The following ZNF33B variants were observed in gnomAD, a reference collection of about 807,000 sequenced individuals.
The protein encoded by ZNF33B is zinc finger protein 33B.
A neutral mutation model predicts 45.8 loss-of-function variants in ZNF33B; 29 were observed. That is an observed-to-expected ratio of 0.63 (90% CI 0.47 to 0.86). The LOEUF is 0.86. Among genes scored for constraint, ZNF33B ranks in the 40% least tolerant of loss-of-function variants. ZNF33B has a pLI of 0.00. For missense variants in ZNF33B, 831 were observed against 909.9 expected (o/e 0.91, Z 1.12); for synonymous variants, 305 against 307.8 (o/e 0.99, Z 0.10).
intron 4 of ZNF33B, among the ~76,000 whole-genome samples, chr10:42,624,329 T>C (rs1838710570): frequency 6.6e-6 from 1 of 152,152 alleles, no homozygotes; most frequent in Non-Finnish European, 1.5e-5. Flanking sequence ...AATGTTGAAG[T>C]TTTCTATTCT....
At chr10:42,620,699 AGATT>A (rs1346108883) in intron 4 of ZNF33B, among the ~76,000 whole-genome samples, 1 of 152,040 alleles carries the variant, frequency 6.6e-6, no homozygotes, top group Non-Finnish European at 1.5e-5. Flanking sequence ...GCTTCAGAAT[AGATT>A]TTTTTAAAAT....
intron 1 of ZNF33B, among the ~76,000 whole-genome samples, chr10:42,575,900 T>C (rs1836742803): frequency 6.6e-6 from 1 of 151,008 alleles, no homozygotes; most frequent in Non-Finnish European, 1.5e-5. Flanking sequence ...TGGCTAATTT[T>C]TTTTTTTTTG....
At chr10:42,636,526 A>G (rs1474002635) in intron 2 of ZNF33B, among the ~76,000 whole-genome samples, 2 of 152,102 alleles carry the variant, frequency 1.3e-5, no homozygotes, top group African/African-American at 4.8e-5. Context: ...TCTCATCTTA[A>G]CATATTGACT....
intron 1 of ZNF33B, among the ~76,000 whole-genome samples, chr10:42,583,873 A>C (rs1836874298): frequency 6.6e-6 from 1 of 152,136 alleles, no homozygotes; most frequent in Admixed American, 6.5e-5. Context: ...CCTTTCTCTT[A>C]GATGTGGGCT....
Position 42,593,753 on chromosome 10 carries a change from G to C in ZNF33B, c.1197C>G (p.Ala399=). 1.2e-6 allele frequency: 2 copies of C among 1,613,648 alleles called. No homozygotes were observed. Among genetic ancestry groups the C allele is most frequent in the Non-Finnish European group, 1.7e-6 (2 of 1,179,850 alleles). The change falls in exon 5 of 5, where the codon GCC becomes GCG. Residue 399 remains alanine (A), a synonymous_variant. Coordinates refer to ENST00000359467, the MANE Select transcript of ZNF33B (RefSeq NM_006955.3). ...TATGTGTTCTCTGGTGTAATGTGAG[G>C]GCTGACTTATGGCTAAAGGCTTTCC... ...ECGKAFSHKS[A]LTLHQRTHTG...
chr10:42,621,806 C>G (rs1334381139), intron 4 of ZNF33B, among the ~76,000 whole-genome samples: 1 of 145,354 alleles, frequency 6.9e-6, no homozygotes, highest in Admixed American at 8.0e-5. Flanking sequence ...CAAAAATACC[C>G]ACTTTTGCCA....
intron 4 of ZNF33B, among the ~76,000 whole-genome samples, chr10:42,606,048 C>T (rs765580486): frequency 1.5e-4 from 23 of 151,262 alleles, no homozygotes; most frequent in African/African-American, 2.2e-4. Context: ...CAATGAGCTG[C>T]GATTCTACCA....
chr10:42,611,852 GTTC>G (rs1452977087), intron 4 of ZNF33B, among the ~76,000 whole-genome samples: 3 of 152,192 alleles, frequency 2.0e-5, no homozygotes, highest in African/African-American at 7.2e-5. Flanking sequence ...AGTTTTGGGA[GTTC>G]TTTAGAATTT....
intron 4 of ZNF33B, among the ~76,000 whole-genome samples, chr10:42,610,241 TA>T (rs1838044293): frequency 3.3e-5 from 5 of 152,182 alleles, no homozygotes; most frequent in African/African-American, 1.2e-4. Flanking sequence ...AATGAAATTT[TA>T]AAAAGAATTC....
intron 4 of ZNF33B, among the ~76,000 whole-genome samples, chr10:42,623,159 C>T (rs1222364992): frequency 6.6e-6 from 1 of 152,120 alleles, no homozygotes; most frequent in Non-Finnish European, 1.5e-5. Flanking sequence ...CCCAGCTACT[C>T]GGGAAGCTGA....
intron 1 of ZNF33B, among the ~76,000 whole-genome samples, chr10:42,580,542 CTAAG>C (rs1836808917): frequency 6.6e-6 from 1 of 151,818 alleles, no homozygotes; most frequent in Non-Finnish European, 1.5e-5. Context: ...CTCGCCTCTA[CTAAG>C]TGTTTTTATG....
intron 4 of ZNF33B, 66 bp from the exon 5 acceptor site, chr10:42,594,765 T>G: frequency 2.0e-6 from 3 of 1,486,546 alleles, no homozygotes; most frequent in Non-Finnish European, 2.7e-6. Context: ...ATGAAATCTC[T>G]ACACAAATGC....
At chr10:42,632,921 G>C (rs1435942899) in intron 2 of ZNF33B, 1 of 162,208 alleles carries the variant, frequency 6.2e-6, no homozygotes, top group Admixed American at 6.5e-5. Context: ...ATCAACAAAA[G>C]GGCAGACAGC....
Position 42,593,967 on chromosome 10 carries a change from T to G in ZNF33B, c.983A>C (p.His328Pro). The change falls in exon 5 of 5, where the codon CAC becomes CCC. Residue 328 changes from histidine to proline, a missense_variant. By Grantham distance (77) the His-to-Pro change is moderately conservative. Coordinates refer to ENST00000359467, the MANE Select transcript of ZNF33B (RefSeq NM_006955.3). Reference protein sequence around the residue: ...QLQKGDKGEKHFECNECGKAF... With the variant: ...QLQKGDKGEKPFECNECGKAF... ...TTTCCCACATTCATTACATTCAAAG[T>G]GTTTCTCTCCTTTATCACCTTTCTG... 6.2e-7 allele frequency: 1 copy of G among 1,614,082 alleles called. No homozygotes were observed. Among genetic ancestry groups the G allele is most frequent in the Non-Finnish European group, 8.5e-7 (1 of 1,179,958 alleles).
At chr10:42,594,796 G>T in intron 4 of ZNF33B, 97 bp from the exon 5 acceptor site, 1 of 1,344,716 alleles carries the variant, frequency 7.4e-7, no homozygotes, top group South Asian at 1.9e-5. Flanking sequence ...AGCTGACTCT[G>T]GTTTTTTGGC....
rs1392555933 is a variant in ZNF33B at position 42,592,186 on chromosome 10, A to G, written c.*427T>C. ...GCTTTACATTCCACAATGTACATCT[A>G]TAAATTATTGTTAGATACCTTAAAA... On this transcript the variant is annotated 3_prime_UTR_variant, in exon 5 of 5. Coordinates refer to ENST00000359467, the MANE Select transcript of ZNF33B (RefSeq NM_006955.3). 1.3e-5 allele frequency: 3 copies of G among 226,402 alleles called. No individual in the cohort carries two copies. Among genetic ancestry groups the G allele is most frequent in the Non-Finnish European group, 2.3e-5 (3 of 131,530 alleles). 14.0% of individuals were successfully genotyped at this position (226,402 alleles called of 1,614,324 possible). A position where few individuals can be genotyped will look rare whatever the true frequency, so the allele number is the denominator to read the frequency against.
At chr10:42,586,542 T>C (rs2132020213), downstream of ZNF33B, among the ~76,000 whole-genome samples, 1 of 152,338 alleles carries the variant, frequency 6.6e-6, no homozygotes, top group East Asian at 1.9e-4. Context: ...ATTCCCGGGC[T>C]CAATCCAACC....
chr10:42,580,748 G>A (rs1464331392), intron 1 of ZNF33B, among the ~76,000 whole-genome samples: 1 of 151,342 alleles, frequency 6.6e-6, no homozygotes, highest in Non-Finnish European at 1.5e-5. Flanking sequence ...GTGAGACCCC[G>A]TCTCTACTAA....
At chr10:42,626,176 T>C (rs1384796047) in intron 4 of ZNF33B, among the ~76,000 whole-genome samples, 1 of 152,228 alleles carries the variant, frequency 6.6e-6, no homozygotes, top group African/African-American at 2.4e-5. Flanking sequence ...GTTAATTACA[T>C]TGATTGATTT....
Sources: gnomAD v4.1 joint callset for allele counts (sites outside exome capture counted in the v4.1 genomes callset) on GRCh38, gnomAD v4.1.1 for gene constraint, MANE v1.5 for transcripts, NCBI Gene and HGNC (gene_info 2026-07-23, HGNC 2026-07-21) for gene names.